DTX1: variants seen among roughly 807,000 people sequenced by gnomAD.
The protein encoded by DTX1 is E3 ubiquitin-protein ligase DTX1.
DTX1 carries 26 observed loss-of-function variants against 57.8 expected under a neutral mutation model. The observed-to-expected ratio is 0.45, with a 90% confidence interval of 0.33 to 0.62. The LOEUF is 0.62. Ranked by LOEUF, DTX1 falls within the 20% of genes least tolerant of loss-of-function variation. The probability of loss-of-function intolerance (pLI) is 0.02; values close to 1 mark genes in which losing one functional copy is unlikely to be tolerated. For missense variants in DTX1, 704 were observed against 895.3 expected (o/e 0.79, Z 2.73); for synonymous variants, 398 against 394.1 (o/e 1.01, Z -0.12).
intron 3 of DTX1, among the ~76,000 whole-genome samples, chr12:113,079,917 C>T (rs1161352868): frequency 6.6e-6 from 1 of 152,176 alleles, no homozygotes; most frequent in African/African-American, 2.4e-5. Flanking sequence ...CTTCCTTGAG[C>T]CTCAGTTTTG....
At chr12:113,086,911 T>C (rs1592852354) in intron 3 of DTX1, among the ~76,000 whole-genome samples, 1 of 105,018 alleles carries the variant, frequency 9.5e-6, no homozygotes, top group African/African-American at 3.8e-5. Context: ...AACCAAACAC[T>C]CCCCCCACCC....
At chr12:113,086,003 C>T (rs1199796270) in intron 3 of DTX1, among the ~76,000 whole-genome samples, 1 of 152,190 alleles carries the variant, frequency 6.6e-6, no homozygotes, top group Non-Finnish European at 1.5e-5. Flanking sequence ...CACTGTGGCT[C>T]ACACCTGTAA....
intron 9 of DTX1, 30 bp from the exon 10 acceptor site, chr12:113,096,685 C>T (rs1392189642): frequency 5.1e-6 from 8 of 1,583,812 alleles, no homozygotes; most frequent in South Asian, 1.1e-5. Context: ...GTGACCTCCT[C>T]CCGGCCCCAC....
At chr12:113,092,326 T>TTA (rs1950253474) in intron 3 of DTX1, among the ~76,000 whole-genome samples, 1 of 145,592 alleles carries the variant, frequency 6.9e-6, no homozygotes, top group African/African-American at 2.5e-5. Context: ...CACAGCAGAT[T>TTA]AAAAAAAAAA....
At chr12:113,062,032 T>TACACAC (rs35422556) in intron 2 of DTX1, among the ~76,000 whole-genome samples, 12,493 of 142,382 alleles carry the variant, frequency 0.088, 793 homozygotes, top group Middle Eastern at 0.16. Flanking sequence ...TTATATTTCA[T>TACACAC]ACACACACAC....
intron 2 of DTX1, among the ~76,000 whole-genome samples, chr12:113,072,807 G>A (rs1481599330): frequency 2.0e-5 from 3 of 148,998 alleles, no homozygotes; most frequent in African/African-American, 7.5e-5. Flanking sequence ...GGGTTCAAGC[G>A]ATTCTCATGC....
chr12:113,093,707 C>G lies in DTX1; in HGVS notation c.1165+7C>G. On this transcript the variant is annotated splice_region_variant and intron_variant, in intron 5 of 9. Coordinates refer to ENST00000548759, the MANE Select transcript of DTX1 (RefSeq NM_004416.3). The surrounding 1 kb of genome is among the most constrained non-coding windows in gnomAD (Gnocchi z 4.2). ...AAGAAGCACCTTAAAAAGAGTACGC[C>G]CTCCACGCCCTGCCTCACACGAGAT... 6.2e-7 allele frequency: 1 copy of G among 1,612,766 alleles called. No homozygotes were observed.
At position 113,078,090 on chromosome 12, in the gene DTX1, C is replaced by A; in HGVS notation, c.926C>A (p.Ala309Asp). ...CGCACCACCAGCGTGAGCGCGCGCGCCTCCATCCCGCCGGGGTAAGACGGG... is the reference window on the plus strand; with the variant it reads ...CGCACCACCAGCGTGAGCGCGCGCGACTCCATCCCGCCGGGGTAAGACGGG... Reference protein sequence around the residue: ...PQRTTSVSARASIPPGVPALP... With the variant: ...PQRTTSVSARDSIPPGVPALP... Residue 309 changes from alanine to aspartate, a missense_variant, in exon 3 of 10, where the codon GCC (alanine) becomes GAC (aspartate). By Grantham distance (126) the Ala-to-Asp change is moderately radical. This residue lies in a region of DTX1 where 299 missense variants were observed against 311.2 expected (regional missense o/e 0.96). Transcript: ENST00000548759. 7.1e-7 allele frequency: 1 copy of A among 1,399,438 alleles called. No individual in the cohort carries two copies. The highest frequency in any genetic ancestry group is 3.1e-5 in the East Asian group (1 of 32,524). 86.7% of individuals were successfully genotyped at this position (1,399,438 alleles called of 1,614,324 possible).
chr12:113,086,475 C>G (rs765144907), intron 3 of DTX1, among the ~76,000 whole-genome samples: 31 of 152,022 alleles, frequency 2.0e-4, no homozygotes, highest in Non-Finnish European at 3.1e-4. Context: ...AGGACTTTGG[C>G]TTTTGCTCTG....
In DTX1 at chr12:113,077,148, G is replaced by A. The variant is rs1253772612; in HGVS notation, c.260-276G>A. 6.6e-5 allele frequency among the ~76,000 whole-genome samples: 10 copies of A among 151,174 alleles called. No individual in the cohort carries two copies. The highest frequency in any genetic ancestry group is 9.8e-5 in the African/African-American group (4 of 40,998). ...GACCACGCGCCCCTGCCCACCTCTC[G>A]CCCCAGTGCTATGCGCTGAACCTTT... is the stretch of plus-strand genomic sequence containing the variant. On this transcript the variant is annotated intron_variant, in intron 2 of 9. Transcript: ENST00000548759. The surrounding 1 kb of genome is among the most constrained non-coding windows in gnomAD (Gnocchi z 7.8).
At chr12:113,070,532 G>A (rs1425986691) in intron 2 of DTX1, among the ~76,000 whole-genome samples, 1 of 152,226 alleles carries the variant, frequency 6.6e-6, no homozygotes, top group Non-Finnish European at 1.5e-5. Context: ...CCAGCAGGAG[G>A]AAGGCTCGGG....
At chr12:113,082,345 T>C (rs944353859) in intron 3 of DTX1, among the ~76,000 whole-genome samples, 23 of 152,116 alleles carry the variant, frequency 1.5e-4, no homozygotes. Flanking sequence ...TCCCTCTGGC[T>C]CTCAAGACCC....
At chr12:113,092,644 G>A (rs1950256969) in intron 3 of DTX1, among the ~76,000 whole-genome samples, 1 of 152,198 alleles carries the variant, frequency 6.6e-6, no homozygotes, top group African/African-American at 2.4e-5. Context: ...TTAATGATAT[G>A]TTCTTACGCA....
At chr12:113,079,243 TG>T (rs759420239) in intron 3 of DTX1, among the ~76,000 whole-genome samples, 1 of 152,156 alleles carries the variant, frequency 6.6e-6, no homozygotes, top group African/African-American at 2.4e-5. Flanking sequence ...GTTTGGACTG[TG>T]GTCCCCAAGA....
chr12:113,064,849 A>G (rs115355679), intron 2 of DTX1, among the ~76,000 whole-genome samples: 6,542 of 152,324 alleles, frequency 0.043, 446 homozygotes, highest in African/African-American at 0.15. Flanking sequence ...GCCTTCAGCC[A>G]TGGGATGTGC....
intron 2 of DTX1, among the ~76,000 whole-genome samples, chr12:113,073,506 G>A (rs1433198444): frequency 6.6e-6 from 1 of 152,188 alleles, no homozygotes; most frequent in Non-Finnish European, 1.5e-5. Flanking sequence ...CTTATTTCCT[G>A]GGGCTGGGCT....
intron 3 of DTX1, among the ~76,000 whole-genome samples, chr12:113,090,920 C>T (rs113596464): frequency 2.1e-4 from 32 of 152,320 alleles, no homozygotes; most frequent in African/African-American, 5.8e-4. Context: ...AGTGAGTCAG[C>T]GTGTCCTCCT....
intron 1 of DTX1, among the ~76,000 whole-genome samples, 163 bp downstream of exon 1, chr12:113,057,107 G>A (rs1307760452): frequency 6.6e-6 from 1 of 152,030 alleles, no homozygotes; most frequent in East Asian, 1.9e-4. Context: ...GACCCCCGAG[G>A]GGCCCTGGGC....
In DTX1 at chr12:113,058,291, G is replaced by C; in HGVS notation, c.99G>C (p.Glu33Asp). ...ARVVVWEWLN[E>D]HSRWRPYTAT... ...TGGTGGTGTGGGAGTGGCTGAATGAGCACAGCCGCTGGCGGCCCTACACGG... is the reference window on the plus strand; with the variant it reads ...TGGTGGTGTGGGAGTGGCTGAATGACCACAGCCGCTGGCGGCCCTACACGG... The change falls in exon 2 of 10, where the codon GAG becomes GAC. Residue 33 changes from glutamate (E) to aspartate (D), a missense_variant. Glu to Asp is a conservative substitution (Grantham distance 45, BLOSUM62 2). Around this residue, in one of 3 missense-constraint regions of DTX1, gnomAD observed 237 missense variants for 328.6 expected, o/e 0.72. Coordinates refer to ENST00000548759, the MANE Select transcript of DTX1 (RefSeq NM_004416.3). 6.2e-7 allele frequency: 1 copy of C among 1,613,600 alleles called. No individual in the cohort carries two copies. The highest frequency in any genetic ancestry group is 8.5e-7 in the Non-Finnish European group (1 of 1,180,020).
Sources: gnomAD v4.1 joint callset for allele counts (sites outside exome capture counted in the v4.1 genomes callset) on GRCh38, gnomAD v4.1.1 for gene constraint, gnomAD v4.1.1 regional missense constraint, Gnocchi (gnomAD v3.1) non-coding constraint, MANE v1.5 for transcripts, NCBI Gene and HGNC (gene_info 2026-07-23, HGNC 2026-07-21) for gene names.